The following GTF2IRD1 variants were observed in gnomAD, a reference collection of about 807,000 sequenced individuals.
The protein encoded by GTF2IRD1 is general transcription factor II-I repeat domain-containing protein 1.
A neutral mutation model predicts 113.2 loss-of-function variants in GTF2IRD1; 26 were observed. The observed-to-expected ratio is 0.23, with a 90% CI of 0.17 to 0.32. The LOEUF is 0.32. Ranked by LOEUF, GTF2IRD1 falls within the 10% of genes least tolerant of loss-of-function variation. The pLI is 1.00. For missense variants in GTF2IRD1, 864 were observed against 1,280.8 expected, an observed-to-expected ratio of 0.67 and a Z score of 4.97; for synonymous variants, 484 against 529.1, an observed-to-expected ratio of 0.91 and a Z score of 1.17.
rs116296964 is a variant in GTF2IRD1 at position 74,458,458 on chromosome 7, T to C, written c.-7+4282T>C. ...TCGGAATCCCCTCAGCCCCATCTCA[T>C]AGAAACATGTGCTTTCTACCCAGGC... is the stretch of plus-strand genomic sequence containing the variant. On this transcript the variant is annotated intron_variant, in intron 1 of 26. Transcript: ENST00000424337. Among the ~76,000 whole-genome samples the C allele has an allele frequency of 2.5e-3, 375 of 152,110 alleles. 4 individuals are homozygous for C. The highest frequency in any genetic ancestry group is 8.5e-3 in the African/African-American group (351 of 41,512).
At chr7:74,455,692 G>C (rs1445269319) in intron 1 of GTF2IRD1, among the ~76,000 whole-genome samples, 1 of 152,192 alleles carries the variant, frequency 6.6e-6, no homozygotes, top group Admixed American at 6.5e-5. Flanking sequence ...TGCGGACCAA[G>C]GGACAGGCTT....
At chr7:74,455,998 C>G (rs1792947714) in intron 1 of GTF2IRD1, among the ~76,000 whole-genome samples, 1 of 152,194 alleles carries the variant, frequency 6.6e-6, no homozygotes, top group African/African-American at 2.4e-5. Flanking sequence ...AAGGACTGTT[C>G]TCTCGATGTT....
chr7:74,550,570 G>A (rs1161711827), intron 17 of GTF2IRD1, among the ~76,000 whole-genome samples: 1 of 151,920 alleles, frequency 6.6e-6, no homozygotes, highest in Non-Finnish European at 1.5e-5. Context: ...CTGGGTGACA[G>A]AGTAAGACCC....
intron 22 of GTF2IRD1, among the ~76,000 whole-genome samples, chr7:74,563,432 C>G (rs1177782054): frequency 6.6e-6 from 1 of 151,966 alleles, no homozygotes; most frequent in African/African-American, 2.4e-5. Flanking sequence ...AAAAAATTAG[C>G]TGGGCATGGT....
At chr7:74,562,990 A>G (rs1190469759) in intron 22 of GTF2IRD1, among the ~76,000 whole-genome samples, 1 of 152,206 alleles carries the variant, frequency 6.6e-6, no homozygotes, top group Non-Finnish European at 1.5e-5. Context: ...GACTCCTACC[A>G]AAAGCCCCCA....
chr7:74,567,532 T>C (rs1800396307), intron 22 of GTF2IRD1, among the ~76,000 whole-genome samples: 1 of 151,168 alleles, frequency 6.6e-6, no homozygotes. Flanking sequence ...GGGACCAGAG[T>C]GGAATAGTGG....
intron 8 of GTF2IRD1, among the ~76,000 whole-genome samples, chr7:74,525,478 G>T (rs1228371908): frequency 2.0e-5 from 3 of 152,174 alleles, no homozygotes; most frequent in Admixed American, 6.5e-5. Context: ...AGTGGTAGGC[G>T]CTGTGGCTCA....
chr7:74,515,066 A>AAT (rs1796848917), intron 3 of GTF2IRD1, among the ~76,000 whole-genome samples: 1 of 151,564 alleles, frequency 6.6e-6, no homozygotes, highest in African/African-American at 2.4e-5. Flanking sequence ...CAAAAAAAAA[A>AAT]AAAAAAAAAA....
chr7:74,561,579 G>A (rs1207610635), intron 22 of GTF2IRD1, among the ~76,000 whole-genome samples: 2 of 151,768 alleles, frequency 1.3e-5, no homozygotes, highest in Non-Finnish European at 2.9e-5. Context: ...TGCCAGAAGT[G>A]TGTTTCCGGA....
At chr7:74,520,144 A>G (rs73366415) in intron 6 of GTF2IRD1, among the ~76,000 whole-genome samples, 9,679 of 149,456 alleles carry the variant, frequency 0.065, 1,003 homozygotes, top group African/African-American at 0.22. Context: ...TCAGGTGTCA[A>G]AGGTGGGAGA....
chr7:74,527,993 G>T (rs1166348945), intron 8 of GTF2IRD1, among the ~76,000 whole-genome samples: 1 of 152,200 alleles, frequency 6.6e-6, no homozygotes, highest in Non-Finnish European at 1.5e-5. Context: ...AGAGCCGTCA[G>T]CTTCTGGGGT....
At chr7:74,581,461 G>A (rs1554366134) in intron 22 of GTF2IRD1, among the ~76,000 whole-genome samples, 1 of 152,220 alleles carries the variant, frequency 6.6e-6, no homozygotes, top group African/African-American at 2.4e-5. Context: ...GCCTTGAAGG[G>A]CCCGGTATTG....
rs1802761128 is a variant in GTF2IRD1, at chr7:74,601,372, G to C, written c.2766+192G>C. ...CCAAGAGGTAGCCCATCCTTCTCGT[G>C]GGGTACTCACAGGCACTCAGGCAGG... On this transcript the variant is annotated intron_variant, in intron 26 of 26. Transcript: ENST00000424337. 1.7e-5 allele frequency: 26 copies of C among 1,518,686 alleles called. No individual in the cohort carries two copies. The East Asian group carries it at 6.4e-4, about 37-fold the overall frequency. The allele number at this position is 1,518,686 out of a possible 1,614,324, so 94.1% of individuals were successfully genotyped here. A position where few individuals can be genotyped will look rare whatever the true frequency, so the allele number is the denominator to read the frequency against.
chr7:74,574,426 G>A (rs975752177), intron 22 of GTF2IRD1, among the ~76,000 whole-genome samples: 6 of 150,622 alleles, frequency 4.0e-5, no homozygotes, highest in Non-Finnish European at 8.9e-5. Flanking sequence ...TTACAGGCGT[G>A]AGCCACTACA....
chr7:74,527,714 C>CTGGGT (rs1797688045), intron 8 of GTF2IRD1, among the ~76,000 whole-genome samples: 2 of 152,030 alleles, frequency 1.3e-5, no homozygotes, highest in South Asian at 4.2e-4. Flanking sequence ...TGGTGGCACA[C>CTGGGT]GCCTGTAATC....
intron 22 of GTF2IRD1, among the ~76,000 whole-genome samples, chr7:74,574,286 G>A (rs782661743): frequency 6.6e-6 from 1 of 150,782 alleles, no homozygotes; most frequent in Admixed American, 6.7e-5. Flanking sequence ...ACTGGTGTGA[G>A]CCACTGAGCC....
intron 26 of GTF2IRD1, chr7:74,602,157 G>A (rs587697154): frequency 2.1e-5 from 9 of 419,076 alleles, no homozygotes; most frequent in Admixed American, 4.2e-5. Context: ...CAGGAGACTC[G>A]CTTGAACCCG....
chr7:74,515,530 C>G lies in GTF2IRD1; in HGVS notation c.355C>G (p.Leu119Val). Residue 119 changes from leucine to valine, a missense_variant, in exon 4 of 27, where the codon CTG (leucine) becomes GTG (valine). Physicochemically the swap from Leu to Val is conservative, Grantham distance 32. Transcript: ENST00000424337. ...AGGCCGTAGCCTCCCTCGGTCCTCC[C>G]TGGAACATGGCTCAGATGTGTACCT... ...GGGRSLPRSSLEHGSDVYLLR... is the reference protein window; with the variant it reads ...GGGRSLPRSSVEHGSDVYLLR... 6.2e-7 allele frequency: 1 copy of G among 1,613,902 alleles called. No individual in the cohort carries two copies. Among genetic ancestry groups the G allele is most frequent in the Non-Finnish European group, 8.5e-7 (1 of 1,179,816 alleles).
chr7:74,590,740 C>A, intron 23 of GTF2IRD1, 85 bp from the exon 24 acceptor site: 1 of 883,846 alleles, frequency 1.1e-6, no homozygotes, highest in Non-Finnish European at 1.7e-6. Flanking sequence ...TGGGCTAGGG[C>A]AGCCCAGACT....
Sources: gnomAD v4.1 joint callset for allele counts (sites outside exome capture counted in the v4.1 genomes callset) on GRCh38, gnomAD v4.1.1 for gene constraint, MANE v1.5 for transcripts, NCBI Gene and HGNC (gene_info 2026-07-23, HGNC 2026-07-21) for gene names.